CDC45: variants seen among roughly 807,000 people sequenced by gnomAD.
The protein encoded by CDC45 is cell division cycle 45, also known as cell division control protein 45 homolog.
In CDC45, 54 loss-of-function variants were observed where a neutral mutation model predicts 77.8. The ratio of observed to expected loss-of-function variants is 0.69; its 90% CI spans 0.56 to 0.87. The LOEUF (loss-of-function observed/expected upper bound fraction) is 0.87, where lower values mean the gene tolerates loss of function less well. Among genes scored for constraint, CDC45 ranks in the 40% least tolerant of loss-of-function variants. The probability of loss-of-function intolerance (pLI) is 0.00; values close to 1 mark genes in which losing one functional copy is unlikely to be tolerated. For synonymous variants in CDC45, 260 were observed against 272.1 expected (o/e 0.96, Z 0.44); for missense variants, 649 against 721.6 (o/e 0.90, Z 1.15).
chr22:19,500,964 G>A (rs1353486289), intron 9 of CDC45, among the ~76,000 whole-genome samples: 1 of 152,130 alleles, frequency 6.6e-6, no homozygotes, highest in Non-Finnish European at 1.5e-5. Context: ...ATCACCTGAG[G>A]TCAGGAGTTC....
At chr22:19,479,824 A>C (rs1207292699), upstream of CDC45, 14 of 827,908 alleles carry the variant, frequency 1.7e-5, no homozygotes, top group Non-Finnish European at 2.6e-5. Context: ...TGGCCCAATC[A>C]GAAAGAAAGG....
chr22:19,516,695 T>C lies in CDC45; in HGVS notation c.1559+50T>C, dbSNP rs200205974. On this transcript the variant is annotated intron_variant, in intron 16 of 18. Transcript: ENST00000263201. The stretch of plus-strand genomic sequence containing the variant: ...GACTGGAGGGTCGGGGGTGTTGGGG[T>C]TATCAGCTTATTAGCCCTGCTGAGT... 1,900 of 1,482,516 alleles carry C rather than the reference T, an allele frequency of 1.3e-3. 1 individual carries two copies. The highest frequency in any genetic ancestry group is 1.7e-3 in the Non-Finnish European group (1,805 of 1,067,482). The allele number at this position is 1,482,516 out of a possible 1,614,324, so 91.8% of individuals were successfully genotyped here. A position where few individuals can be genotyped will look rare whatever the true frequency, so the allele number is the denominator to read the frequency against.
intron 15 of CDC45, 85 bp downstream of exon 15, chr22:19,515,133 G>C: frequency 7.8e-7 from 1 of 1,287,896 alleles, no homozygotes; most frequent in Non-Finnish European, 1.1e-6. Flanking sequence ...CTGGCCTTGG[G>C]GTGCCTGTGG....
intron 5 of CDC45, 58 bp downstream of exon 5, chr22:19,484,063 G>C (rs1159347281): frequency 6.6e-7 from 1 of 1,525,218 alleles, no homozygotes; most frequent in African/African-American, 1.4e-5. Context: ...GAGGTCGGAG[G>C]TCATCCTGAA....
At chr22:19,502,723 A>T (rs1932943951) in intron 9 of CDC45, among the ~76,000 whole-genome samples, 1 of 152,268 alleles carries the variant, frequency 6.6e-6, no homozygotes, top group African/African-American at 2.4e-5. Context: ...GTTTGATTTT[A>T]AAAACTTACC....
At chr22:19,482,859 G>C (rs1380684971) in intron 4 of CDC45, 32 bp downstream of exon 4, 2 of 1,607,488 alleles carry the variant, frequency 1.2e-6, no homozygotes, top group Non-Finnish European at 1.7e-6. Context: ...CAAACTGTCT[G>C]TACTTTTTAT....
Position 19,496,021 on chromosome 22 carries a change from G to A in CDC45, c.583G>A (p.Gly195Arg), listed in dbSNP as rs1351240395. Residue 195 changes from glycine (G) to arginine (R), a missense_variant, in exon 7 of 19, where the codon GGG becomes AGG. Transcript: ENST00000263201. ...TGACTACGAGCAGTATGAATATCAT[G>A]GGACATCGGTAAGTATGAATAGGTG... ...LFDYEQYEYH[G>R]TSSAMVMFEL... 5.6e-6 allele frequency: 9 copies of A among 1,606,512 alleles called. No individual in the cohort carries two copies. Among genetic ancestry groups the A allele is most frequent in the Non-Finnish European group, 7.7e-6 (9 of 1,173,346 alleles).
chr22:19,484,929 GTTTTTTGTTTT>G (rs971634273), intron 5 of CDC45, among the ~76,000 whole-genome samples: 10 of 124,480 alleles, frequency 8.0e-5, no homozygotes, highest in Non-Finnish European at 1.2e-4. Context: ...AAGACTTTTT[GTTTTTTGTTTT>G]TTTTTTGTTT....
chr22:19,510,673 C>T (rs978572298), intron 13 of CDC45, among the ~76,000 whole-genome samples: 23 of 152,132 alleles, frequency 1.5e-4, no homozygotes, highest in East Asian at 1.9e-4. Flanking sequence ...GGATTACAAA[C>T]GCATGCCACC....
intron 12 of CDC45, 71 bp from the exon 13 acceptor site, chr22:19,508,459 C>T: frequency 1.3e-6 from 2 of 1,517,744 alleles, no homozygotes; most frequent in South Asian, 1.1e-5. Flanking sequence ...ATTAGCACAT[C>T]TGTTGGCCTG....
At position 19,480,178 on chromosome 22, in the gene CDC45, C is replaced by T; in HGVS notation, c.72C>T (p.Ala24=). 1 of 1,614,040 alleles carries T rather than the reference C, an allele frequency of 6.2e-7. No individual in the cohort carries two copies. The highest frequency in any genetic ancestry group is 8.5e-7 in the Non-Finnish European group (1 of 1,179,962). The change falls in exon 2 of 19, where the codon GCC becomes GCT. Residue 24 remains alanine (A), a synonymous_variant. Transcript: ENST00000263201. ...GATAGAGGGTCCTTCTCTTCGTGGC[C>T]TCGGACGTGGATGCTCTGTGTGCGT... ...VQSQRVLLFV[A]SDVDALCACK...
At chr22:19,519,623 G>A (rs938390743) in intron 18 of CDC45, among the ~76,000 whole-genome samples, 1 of 151,680 alleles carries the variant, frequency 6.6e-6, no homozygotes, top group African/African-American at 2.4e-5. Flanking sequence ...GGCTGTGGCA[G>A]ATGGGCCCTG....
intron 13 of CDC45, among the ~76,000 whole-genome samples, chr22:19,510,696 T>A (rs1191899599): frequency 6.6e-6 from 1 of 152,090 alleles, no homozygotes; most frequent in African/African-American, 2.4e-5. Flanking sequence ...GCCTGGCTAA[T>A]TTTTGTAGTT....
Position 19,508,729 on chromosome 22 carries a change from C to G in CDC45, c.1217+38C>G, listed in dbSNP as rs201290081. On this transcript the variant is annotated intron_variant, in intron 13 of 18. Coordinates refer to ENST00000263201, the MANE Select transcript of CDC45 (RefSeq NM_003504.5). ...CTGTGGGTTTGCCTCATGGGGCCAC[C>G]ACTGGTTCTCACACTGCCCAGGGAG... 40 of 1,598,496 alleles carry G rather than the reference C, an allele frequency of 2.5e-5. No homozygotes were observed. The Admixed American group carries it at 2.9e-4, about 12-fold the overall frequency.
At chr22:19,484,531 G>A (rs1449061606) in intron 5 of CDC45, among the ~76,000 whole-genome samples, 1 of 152,130 alleles carries the variant, frequency 6.6e-6, no homozygotes, top group South Asian at 2.1e-4. Context: ...CCAACACTAC[G>A]GCTTCTGCAA....
intron 17 of CDC45, 57 bp downstream of exon 17, chr22:19,516,950 C>A (rs1388605015): frequency 7.1e-7 from 1 of 1,416,316 alleles, no homozygotes; most frequent in Non-Finnish European, 1.0e-6. Context: ...GAGGCTATTG[C>A]AGGCCCTGGA....
At chr22:19,508,456 C>G in intron 12 of CDC45, 74 bp from the exon 13 acceptor site, 1 of 1,499,688 alleles carries the variant, frequency 6.7e-7, no homozygotes, top group Non-Finnish European at 9.3e-7. Context: ...GACATTAGCA[C>G]ATCTGTTGGC....
At chr22:19,505,116 G>A in intron 9 of CDC45, 1 of 521,972 alleles carries the variant, frequency 1.9e-6, no homozygotes, top group East Asian at 3.4e-5. Flanking sequence ...ATTCTCAGGA[G>A]GTGTGAGACC....
intron 9 of CDC45, among the ~76,000 whole-genome samples, chr22:19,499,627 C>T (rs904798080): frequency 6.6e-6 from 1 of 152,176 alleles, no homozygotes; most frequent in African/African-American, 2.4e-5. Flanking sequence ...AAGCAGAACC[C>T]CTTTTGCCCT....
Sources: allele counts gnomAD v4.1 joint callset (sites outside exome capture counted in the v4.1 genomes callset), GRCh38; gene constraint gnomAD v4.1.1; transcripts MANE v1.5; gene names NCBI Gene and HGNC (gene_info 2026-07-23, HGNC 2026-07-21).